Variants in SOCS7 observed in about 807,000 individuals in gnomAD.
SOCS7 encodes NAP-4.
Under a neutral mutation model 58.9 loss-of-function variants are expected in SOCS7, and 18 were observed. That is an observed-to-expected ratio of 0.31 (90% CI 0.21 to 0.45). The LOEUF (loss-of-function observed/expected upper bound fraction) is 0.45, where lower values mean the gene tolerates loss of function less well. SOCS7 is among the 20% of genes least tolerant of loss of function. The pLI is 1.00. For synonymous variants in SOCS7, 388 were observed against 364.3 expected, an observed-to-expected ratio of 1.06 and a Z score of -0.74; for missense variants, 667 against 837.3, an observed-to-expected ratio of 0.80 and a Z score of 2.51.
chr17:38,353,373 G>A (rs4300700), intron 1 of SOCS7, among the ~76,000 whole-genome samples: 15,893 of 152,236 alleles, frequency 0.1, 1,287 homozygotes, highest in Middle Eastern at 0.25. Context: ...ATTGCTGGAA[G>A]TGTTTGGCCT....
chr17:38,364,539 A>G (rs1287049245), intron 2 of SOCS7, among the ~76,000 whole-genome samples: 2 of 152,192 alleles, frequency 1.3e-5, no homozygotes, highest in South Asian at 2.1e-4. Flanking sequence ...TGTCCTAAAG[A>G]ATCCTTGACC....
rs975477668 is a variant in SOCS7, at chr17:38,373,933, A to G, written c.1553-3781A>G. Among the ~76,000 whole-genome samples, 5 of 152,244 alleles carry G rather than the reference A, an allele frequency of 3.3e-5. No individual in the cohort carries two copies. The South Asian group carries it at 6.2e-4, about 19-fold the overall frequency. ...GAAAGATTCCTCCATTGAAGTTGCC[A>G]TAGTTGACCGGGTGGAGTGGCTCAC... On this transcript the variant is annotated intron_variant, in intron 6 of 9. Coordinates refer to ENST00000612932, the MANE Select transcript of SOCS7 (RefSeq NM_014598.4).
At chr17:38,376,242 A>ATGCAAGG (rs1373565105) in intron 6 of SOCS7, among the ~76,000 whole-genome samples, 2 of 152,124 alleles carry the variant, frequency 1.3e-5, no homozygotes, top group Non-Finnish European at 2.9e-5. Flanking sequence ...ACAACCCTGG[A>ATGCAAGG]CAGAACACCA....
In SOCS7 at chr17:38,352,211, G is replaced by A; in HGVS notation, c.159G>A (p.Arg53=). 1 of 1,342,834 alleles carries A rather than the reference G, an allele frequency of 7.4e-7. No individual in the cohort carries two copies. The highest frequency in any genetic ancestry group is 9.5e-7 in the Non-Finnish European group (1 of 1,055,260). 83.2% of individuals were successfully genotyped at this position (1,342,834 alleles called of 1,614,324 possible). Residue 53 remains arginine, a synonymous_variant, in exon 1 of 10, where the codon CGG becomes CGA. Coordinates refer to ENST00000612932, the MANE Select transcript of SOCS7 (RefSeq NM_014598.4). The surrounding 1 kb of genome is among the most constrained non-coding windows in gnomAD (Gnocchi z 5.5). ...HGPPPPPFLA[R]PGPRGSRPPQ... is the part of the protein sequence containing the mutation. The stretch of plus-strand genomic sequence containing the variant: ...CCCCGCCGCCACCCTTCCTCGCGCG[G>A]CCCGGCCCGCGGGGCTCCCGGCCGC...
intron 1 of SOCS7, among the ~76,000 whole-genome samples, chr17:38,358,682 A>G (rs2037673128): frequency 2.0e-5 from 3 of 151,580 alleles, no homozygotes; most frequent in Admixed American, 1.3e-4. Flanking sequence ...TTGGGTTTGT[A>G]GTTAGGCTTG....
At chr17:38,353,495 A>G (rs1377438491) in intron 1 of SOCS7, among the ~76,000 whole-genome samples, 3 of 152,186 alleles carry the variant, frequency 2.0e-5, no homozygotes, top group Non-Finnish European at 2.9e-5. Context: ...TTCAAATGCA[A>G]TTGTAGGCCA....
At position 38,352,519 on chromosome 17, in the gene SOCS7, C is replaced by T. The variant is rs1418569688; in HGVS notation, c.467C>T (p.Pro156Leu). The change falls in exon 1 of 10, where the codon CCG becomes CTG. Residue 156 changes from proline to leucine, a missense_variant. This residue lies in a region of SOCS7 where 154 missense variants were observed against 156.3 expected (regional missense o/e 0.98). Coordinates refer to ENST00000612932, the MANE Select transcript of SOCS7 (RefSeq NM_014598.4). The surrounding 1 kb of genome is among the most constrained non-coding windows in gnomAD (Gnocchi z 5.5). ...CCGTGTCCTCCTCAGCCGCCCCCTCCGCAGCCCCAGCCGCCTGCTGCCGCC... is the reference window on the plus strand; with the variant it reads ...CCGTGTCCTCCTCAGCCGCCCCCTCTGCAGCCCCAGCCGCCTGCTGCCGCC... The part of the protein sequence containing the change: ...PCPCPPQPPP[P>L]QPQPPAAAPQ... The T allele has an allele frequency of 6.5e-7, 1 of 1,546,262 alleles. No homozygotes were observed. Among genetic ancestry groups the T allele is most frequent in the Admixed American group, 2.0e-5 (1 of 50,566 alleles).
chr17:38,357,324 G>A (rs1455283833), intron 1 of SOCS7, among the ~76,000 whole-genome samples: 3 of 152,104 alleles, frequency 2.0e-5, no homozygotes, highest in African/African-American at 7.2e-5. Context: ...TTTGGGTTTT[G>A]GGTCCACACA....
chr17:38,352,440 G>A lies in SOCS7; in HGVS notation c.388G>A (p.Gly130Arg). Residue 130 changes from glycine to arginine, a missense_variant, in exon 1 of 10, where the codon GGG becomes AGG. Physicochemically the swap from Gly to Arg is moderately radical, Grantham distance 125. Transcript: ENST00000612932. This position sits in a 1 kb window ranked among gnomAD's most constrained non-coding sequence, Gnocchi z 5.5. ...GGCGCAGTTGGCGGCTCTGGGGCTC[G>A]GGCAGCCGGCGGGGCCGGGGGTCAA... The part of the protein sequence containing the change: ...LEAQLAALGL[G>R]QPAGPGVKTV... 1 of 1,457,508 alleles carries A rather than the reference G, an allele frequency of 6.9e-7. No homozygotes were observed. The highest frequency in any genetic ancestry group is 1.4e-5 in the South Asian group (1 of 70,028). The allele number at this position is 1,457,508 out of a possible 1,614,324, so 90.3% of individuals were successfully genotyped here.
At chr17:38,353,150 A>G in intron 1 of SOCS7, 118 bp downstream of exon 1, 1 of 969,846 alleles carries the variant, frequency 1.0e-6, no homozygotes, top group Non-Finnish European at 1.5e-6. Context: ...GGAGGCAGAG[A>G]CTTGGGACCA....
At chr17:38,372,321 T>C (rs149062874) in intron 6 of SOCS7, among the ~76,000 whole-genome samples, 1 of 152,220 alleles carries the variant, frequency 6.6e-6, no homozygotes, top group African/African-American at 2.4e-5. Context: ...TCAAAACTTA[T>C]GCACACAAAC....
At position 38,366,361 on chromosome 17, in the gene SOCS7, C is replaced by G; in HGVS notation, c.1327C>G (p.Pro443Ala). 6.2e-7 allele frequency: 1 copy of G among 1,614,218 alleles called. No individual in the cohort carries two copies. Among genetic ancestry groups the G allele is most frequent in the Non-Finnish European group, 8.5e-7 (1 of 1,180,032 alleles). The part of the protein sequence containing the change: ...HSQPPQHLQC[P>A]LYRPDSSSFA... Reference sequence around the variant, plus strand: ...CCAACCCCCACAGCACCTCCAGTGTCCCCTCTACCGGCCTGACTCGAGCAG... The same window carrying G: ...CCAACCCCCACAGCACCTCCAGTGTGCCCTCTACCGGCCTGACTCGAGCAG... Residue 443 changes from proline to alanine, a missense_variant, in exon 5 of 10, where the codon CCC becomes GCC. Transcript: ENST00000612932.
At chr17:38,391,680 C>T (rs2038174838) in intron 7 of SOCS7, among the ~76,000 whole-genome samples, 1 of 152,202 alleles carries the variant, frequency 6.6e-6, no homozygotes, top group African/African-American at 2.4e-5. Context: ...GGATTACAGG[C>T]GTGAGCCACC....
chr17:38,364,883 C>T (rs1555568082), intron 3 of SOCS7, 27 bp downstream of exon 3: 1 of 1,566,024 alleles, frequency 6.4e-7, no homozygotes, highest in Non-Finnish European at 8.8e-7. Flanking sequence ...TCTCCACCTT[C>T]TTGCCTAGTG....
chr17:38,353,406 C>T lies in SOCS7; in HGVS notation c.980+374C>T, dbSNP rs41357244. Among the ~76,000 whole-genome samples, 702 of 152,312 alleles carry T rather than the reference C, an allele frequency of 4.6e-3. 3 individuals are homozygous for T. The highest frequency in any genetic ancestry group is 0.016 in the African/African-American group (652 of 41,562). On this transcript the variant is annotated intron_variant, in intron 1 of 9. Coordinates refer to ENST00000612932, the MANE Select transcript of SOCS7 (RefSeq NM_014598.4). ...CCTTTGGGGCAAAAAGCTGGTGTTG[C>T]ACCTTGACCGCCTTGCTTATTCTGT...
At chr17:38,372,182 T>C (rs893999941) in intron 6 of SOCS7, among the ~76,000 whole-genome samples, 2 of 152,190 alleles carry the variant, frequency 1.3e-5, no homozygotes, top group African/African-American at 4.8e-5. Flanking sequence ...AGATAAACTG[T>C]AGCCTAGAAA....
intron 7 of SOCS7, among the ~76,000 whole-genome samples, chr17:38,392,858 A>G (rs1041834716): frequency 2.0e-5 from 3 of 152,162 alleles, no homozygotes; most frequent in Admixed American, 6.6e-5. Flanking sequence ...ATTCTTCCTT[A>G]GGGCAGGTGT....
chr17:38,361,415 A>T (rs987312874), intron 1 of SOCS7, among the ~76,000 whole-genome samples: 10 of 152,176 alleles, frequency 6.6e-5, no homozygotes, highest in African/African-American at 2.4e-4. Flanking sequence ...CTTGAAATGG[A>T]CTTGCTAATT....
intron 9 of SOCS7, among the ~76,000 whole-genome samples, chr17:38,398,044 G>T (rs1276772289): frequency 6.6e-6 from 1 of 152,156 alleles, no homozygotes; most frequent in African/African-American, 2.4e-5. Flanking sequence ...GAACAGGCCA[G>T]TGGGTAGCCA....
Sources: gnomAD v4.1 joint callset for allele counts (sites outside exome capture counted in the v4.1 genomes callset) on GRCh38, gnomAD v4.1.1 for gene constraint, gnomAD v4.1.1 regional missense constraint, Gnocchi (gnomAD v3.1) non-coding constraint, MANE v1.5 for transcripts, NCBI Gene and HGNC (gene_info 2026-07-23, HGNC 2026-07-21) for gene names.